The following UQCRH variants were observed in gnomAD, a reference collection of about 807,000 sequenced individuals.
The protein encoded by UQCRH is cytochrome b-c1 complex subunit 6, mitochondrial.
UQCRH carries 14 observed loss-of-function variants against 16.3 expected under a neutral mutation model. The ratio of observed to expected loss-of-function variants is 0.86; its 90% confidence interval spans 0.57 to 1.34. The LOEUF (loss-of-function observed/expected upper bound fraction) is 1.34, where lower values mean the gene tolerates loss of function less well. UQCRH is among the 40% of genes most tolerant of loss of function. The probability of loss-of-function intolerance (pLI) is 0.00; values close to 1 mark genes in which losing one functional copy is unlikely to be tolerated. For synonymous variants in UQCRH, 41 were observed against 41.9 expected (o/e 0.98, Z 0.08); for missense variants, 89 against 111.9 (o/e 0.80, Z 0.92).
In UQCRH at chr1:46,309,670, TAA is replaced by T. The variant is rs764614791; in HGVS notation, c.82-469_82-468del. 7.7e-3 allele frequency: 1,249 copies of T among 161,398 alleles called. 1 individual carries two copies. Among genetic ancestry groups the T allele is most frequent in the South Asian group, 0.033 (227 of 6,784 alleles). The allele number at this position is 161,398 out of a possible 1,614,324, so 10.0% of individuals were successfully genotyped here. A position where few individuals can be genotyped will look rare whatever the true frequency, so the allele number is the denominator to read the frequency against. ...GGGCAACAAGAGCAAAACTCCGTCT[TAA>T]AAAAAAAAAAAAAAAGAACTCTGAA... On this transcript the variant is annotated intron_variant, in intron 2 of 3. Coordinates refer to ENST00000311672, the MANE Select transcript of UQCRH (RefSeq NM_006004.4).
intron 1 of UQCRH, among the ~76,000 whole-genome samples, chr1:46,305,298 C>CAA (rs11444271): frequency 0.051 from 3,222 of 63,644 alleles, 153 homozygotes; most frequent in Middle Eastern, 0.064. Flanking sequence ...GACCCTGTCT[C>CAA]AAAAAAAAAA....
intron 3 of UQCRH, among the ~76,000 whole-genome samples, chr1:46,312,718 TA>T (rs1557725750): frequency 6.6e-6 from 1 of 151,634 alleles, no homozygotes; most frequent in Non-Finnish European, 1.5e-5. Flanking sequence ...AAATCAAAAT[TA>T]AAAAAATAAA....
chr1:46,314,477 C>T (rs1661541947), intron 3 of UQCRH, among the ~76,000 whole-genome samples: 1 of 151,844 alleles, frequency 6.6e-6, no homozygotes, highest in African/African-American at 2.4e-5. Context: ...TCGAGACCAG[C>T]TTGACCAATA....
Position 46,316,074 on chromosome 1 carries a change from A to T in UQCRH, c.244-478A>T, listed in dbSNP as rs577517286. 4.0e-5 allele frequency among the ~76,000 whole-genome samples: 6 copies of T among 151,750 alleles called. 1 individual carries two copies. The highest frequency in any genetic ancestry group is 7.4e-5 in the Non-Finnish European group (5 of 67,960). ...AACTGAACCCCCCGCCCCGCCTCCC[A>T]TTTATTTTCCTCCTAGCATTTCCCA... is the stretch of plus-strand genomic sequence containing the variant. On this transcript the variant is annotated intron_variant, in intron 3 of 3. Coordinates refer to ENST00000311672, the MANE Select transcript of UQCRH (RefSeq NM_006004.4).
At position 46,314,938 on chromosome 1, in the gene UQCRH, A is replaced by G. The variant is rs76163754; in HGVS notation, c.244-1614A>G. Among the ~76,000 whole-genome samples the G allele has an allele frequency of 5.5e-4, 84 of 152,322 alleles. 1 individual carries two copies. The East Asian group carries it at 0.014, about 25-fold the overall frequency. Reference sequence around the variant, plus strand: ...AAAAGGTCCCAAGATTGGACGTTCTAGAGATTGTAGGGGACTGTATGGTTG... The same window carrying G: ...AAAAGGTCCCAAGATTGGACGTTCTGGAGATTGTAGGGGACTGTATGGTTG... On this transcript the variant is annotated intron_variant, in intron 3 of 3. Coordinates refer to ENST00000311672, the MANE Select transcript of UQCRH (RefSeq NM_006004.4).
intron 3 of UQCRH, among the ~76,000 whole-genome samples, chr1:46,316,059 C>T (rs1661578000): frequency 6.6e-6 from 1 of 152,058 alleles, no homozygotes; most frequent in Non-Finnish European, 1.5e-5. Flanking sequence ...AACTGAACCC[C>T]CCGCCCCGCC....
intron 2 of UQCRH, 54 bp from the exon 3 acceptor site, chr1:46,310,101 T>C (rs1661439492): frequency 7.4e-6 from 12 of 1,611,392 alleles, no homozygotes; most frequent in Non-Finnish European, 1.0e-5. Flanking sequence ...CATATGTGTT[T>C]GGTGGGTCTC....
chr1:46,305,372 T>C (rs1349783463), intron 1 of UQCRH, among the ~76,000 whole-genome samples: 1 of 148,704 alleles, frequency 6.7e-6, no homozygotes, highest in Admixed American at 6.7e-5. Context: ...GATCCACCGC[T>C]GCAATAGATG....
chr1:46,304,523 C>CTA (rs1661326253), intron 1 of UQCRH, among the ~76,000 whole-genome samples: 1 of 151,874 alleles, frequency 6.6e-6, no homozygotes, highest in African/African-American at 2.4e-5. Context: ...GTAGCTGGGA[C>CTA]TACAGGTGTC....
intron 3 of UQCRH, among the ~76,000 whole-genome samples, chr1:46,311,994 A>G (rs538554598): frequency 2.0e-5 from 3 of 151,584 alleles, no homozygotes; most frequent in East Asian, 3.9e-4. Context: ...CAGTGGCACA[A>G]TTATGGCACA....
chr1:46,305,805 C>T (rs532068118), intron 1 of UQCRH, among the ~76,000 whole-genome samples: 1 of 149,516 alleles, frequency 6.7e-6, no homozygotes, highest in South Asian at 2.1e-4. Context: ...CTATGAGGAA[C>T]CCATAATTTT....
At chr1:46,303,905 G>C in intron 1 of UQCRH, 85 bp downstream of exon 1, 2 of 1,584,220 alleles carry the variant, frequency 1.3e-6, no homozygotes, top group Non-Finnish European at 8.7e-7. Context: ...GGCCCTCTTA[G>C]CCCCCAGTTT....
At chr1:46,306,427 GGAGT>G (rs1372494534) in intron 1 of UQCRH, among the ~76,000 whole-genome samples, 1 of 139,328 alleles carries the variant, frequency 7.2e-6, no homozygotes, top group African/African-American at 2.7e-5. Context: ...TTGCCTGGCT[GGAGT>G]ACAGTGGCGC....
At chr1:46,304,269 A>G (rs1283878058) in intron 1 of UQCRH, among the ~76,000 whole-genome samples, 1 of 152,136 alleles carries the variant, frequency 6.6e-6, no homozygotes, top group African/African-American at 2.4e-5. Flanking sequence ...GTCTTTGGGG[A>G]CAATGAAAGA....
In UQCRH at chr1:46,309,048, A is replaced by T; in HGVS notation, c.55-53A>T. Reference sequence around the variant, plus strand: ...CAGTAATTACATCAGTATGATCAGGAATAAATATGTCATAAAATTGCTGCT... The same window carrying T: ...CAGTAATTACATCAGTATGATCAGGTATAAATATGTCATAAAATTGCTGCT... On this transcript the variant is annotated intron_variant, in intron 1 of 3. Transcript: ENST00000311672. 5 of 1,585,894 alleles carry T rather than the reference A, an allele frequency of 3.2e-6. No individual in the cohort carries two copies. In the Admixed American group the frequency reaches 8.4e-5, roughly 27 times the overall value.
intron 3 of UQCRH, among the ~76,000 whole-genome samples, chr1:46,315,621 A>G (rs1250812040): frequency 6.6e-6 from 1 of 151,312 alleles, no homozygotes; most frequent in Non-Finnish European, 1.5e-5. Context: ...AGATTAAAAT[A>G]GAAAAAAAAA....
intron 2 of UQCRH, chr1:46,309,670 TAAA>T (rs764614791): frequency 1.0e-3 from 170 of 161,972 alleles, no homozygotes; most frequent in South Asian, 3.4e-3. Context: ...AACTCCGTCT[TAAA>T]AAAAAAAAAA....
chr1:46,305,537 G>T (rs1661357182), intron 1 of UQCRH, among the ~76,000 whole-genome samples: 1 of 147,562 alleles, frequency 6.8e-6, no homozygotes, highest in Non-Finnish European at 1.5e-5. Context: ...GGTGGATCAG[G>T]AGGTCAGGAG....
At chr1:46,308,883 C>A (rs1174473541) in intron 1 of UQCRH, among the ~76,000 whole-genome samples, 3 of 152,192 alleles carry the variant, frequency 2.0e-5, no homozygotes, top group African/African-American at 7.2e-5. Context: ...GAAAGGTATG[C>A]TCGCAGGCAA....
Sources: gnomAD v4.1 joint callset for allele counts (sites outside exome capture counted in the v4.1 genomes callset) on GRCh38, gnomAD v4.1.1 for gene constraint, MANE v1.5 for transcripts, NCBI Gene and HGNC (gene_info 2026-07-23, HGNC 2026-07-21) for gene names.